SIDT1: variants seen among roughly 807,000 people sequenced by gnomAD.
SIDT1 encodes the protein SID1 transmembrane family, member 1.
In SIDT1, 101 loss-of-function variants were observed where a neutral mutation model predicts 107.5. The ratio of observed to expected loss-of-function variants is 0.94; its 90% CI spans 0.80 to 1.11. The LOEUF is 1.11. SIDT1 is among the 50% of genes least tolerant of loss of function. SIDT1 has a pLI of 0.00. For missense variants in SIDT1, 1,076 were observed against 1,058.2 expected (o/e 1.02, Z -0.23); for synonymous variants, 395 against 398.2 (o/e 0.99, Z 0.10).
intron 20 of SIDT1, 151 bp downstream of exon 20, chr3:113,616,327 A>G: frequency 1.6e-6 from 1 of 634,866 alleles, no homozygotes; most frequent in African/African-American, 1.8e-5. Context: ...GAGAAGGAGC[A>G]TGGTGCTTAT....
At chr3:113,541,922 T>C (rs34844841) in intron 1 of SIDT1, among the ~76,000 whole-genome samples, 18,141 of 146,244 alleles carry the variant, frequency 0.12, 1,145 homozygotes, top group Non-Finnish European at 0.15. Context: ...TTTCTTTTTC[T>C]TTCTTTTTTT....
Position 113,539,598 on chromosome 3 carries a change from C to T in SIDT1, c.222+6355C>T, listed in dbSNP as rs76207471. ...CTTCCAATTCAAATTCAGAAATATA[C>T]GGTTTTTATTTAACCTCATCCTTAA... is the stretch of plus-strand genomic sequence containing the variant. On this transcript the variant is annotated intron_variant, in intron 1 of 24. Transcript: ENST00000264852. Among the ~76,000 whole-genome samples, 390 of 152,266 alleles carry T rather than the reference C, an allele frequency of 2.6e-3. 1 individual carries two copies. Among genetic ancestry groups the T allele is most frequent in the African/African-American group, 8.2e-3 (341 of 41,556 alleles).
intron 19 of SIDT1, among the ~76,000 whole-genome samples, chr3:113,613,065 A>G (rs1945864189): frequency 6.6e-6 from 1 of 152,248 alleles, no homozygotes; most frequent in East Asian, 1.9e-4. Flanking sequence ...GCCTAGGTTC[A>G]AATTTAAAAT....
intron 9 of SIDT1, among the ~76,000 whole-genome samples, chr3:113,587,909 C>T (rs1460087994): frequency 6.6e-6 from 1 of 152,144 alleles, no homozygotes; most frequent in Non-Finnish European, 1.5e-5. Context: ...GCCTGGCACC[C>T]CAGCAAGGAT....
intron 1 of SIDT1, among the ~76,000 whole-genome samples, chr3:113,553,581 C>T (rs552116946): frequency 2.0e-5 from 3 of 152,142 alleles, no homozygotes; most frequent in Admixed American, 6.5e-5. Context: ...AGTATGAGAC[C>T]TAGCAAGAGA....
intron 1 of SIDT1, among the ~76,000 whole-genome samples, chr3:113,553,673 G>A (rs1016696106): frequency 6.6e-6 from 1 of 152,220 alleles, no homozygotes; most frequent in Non-Finnish European, 1.5e-5. Flanking sequence ...CGAGGAGGCT[G>A]AACCAACCCA....
rs1253103982 is a variant in SIDT1, at chr3:113,532,979, C to T, written c.-43C>T. The T allele has an allele frequency of 7.8e-7, 1 of 1,290,182 alleles. No homozygotes were observed. The highest frequency in any genetic ancestry group is 2.1e-5 in the South Asian group (1 of 47,160). The allele number at this position is 1,290,182 out of a possible 1,614,324, so 79.9% of individuals were successfully genotyped here. On this transcript the variant is annotated 5_prime_UTR_variant, in exon 1 of 25. Transcript: ENST00000264852. ...AGGACCCTCTCTGCGCTCGCCCCCT[C>T]CCCAGGGTGGCTCCGCTTTCGAGCC...
At chr3:113,539,861 G>A (rs529498205) in intron 1 of SIDT1, among the ~76,000 whole-genome samples, 16 of 152,176 alleles carry the variant, frequency 1.1e-4, no homozygotes, top group African/African-American at 1.9e-4. Context: ...AAAAGTAGCC[G>A]GATGTGGTGG....
intron 1 of SIDT1, among the ~76,000 whole-genome samples, chr3:113,543,872 C>T (rs1157564710): frequency 1.3e-5 from 2 of 152,142 alleles, no homozygotes; most frequent in African/African-American, 4.8e-5. Context: ...TTTCCTGAAA[C>T]AATTGAGAGT....
At chr3:113,556,978 C>A (rs1940945670) in intron 1 of SIDT1, among the ~76,000 whole-genome samples, 1 of 150,578 alleles carries the variant, frequency 6.6e-6, no homozygotes, top group African/African-American at 2.5e-5. Flanking sequence ...CACCACCACG[C>A]CCAGCTAATT....
At chr3:113,562,276 A>T (rs1363099564) in intron 1 of SIDT1, among the ~76,000 whole-genome samples, 1 of 152,258 alleles carries the variant, frequency 6.6e-6, no homozygotes, top group Non-Finnish European at 1.5e-5. Context: ...ACTGGAATGT[A>T]AAATGATGTA....
intron 3 of SIDT1, 99 bp downstream of exon 3, chr3:113,567,809 T>G: frequency 8.0e-7 from 1 of 1,242,958 alleles, no homozygotes; most frequent in Admixed American, 2.0e-5. Flanking sequence ...GGAAGGAAAT[T>G]ATCCACTTAG....
chr3:113,582,299 C>T (rs535762298), intron 6 of SIDT1, among the ~76,000 whole-genome samples: 2 of 152,098 alleles, frequency 1.3e-5, no homozygotes, highest in African/African-American at 2.4e-5. Flanking sequence ...ACTTAAAGTA[C>T]CTGCAGCGTG....
chr3:113,540,747 A>G (rs936767419), intron 1 of SIDT1, among the ~76,000 whole-genome samples: 1 of 152,180 alleles, frequency 6.6e-6, no homozygotes, highest in Admixed American at 6.5e-5. Context: ...AAAAATTTAT[A>G]AGGTATAAAA....
chr3:113,627,858 C>A lies in SIDT1; in HGVS notation c.*150C>A. 2.9e-6 allele frequency: 2 copies of A among 685,340 alleles called. No individual in the cohort carries two copies. Among genetic ancestry groups the A allele is most frequent in the Non-Finnish European group, 5.0e-6 (2 of 396,474 alleles). The allele number at this position is 685,340 out of a possible 1,614,324, so 42.5% of individuals were successfully genotyped here. On this transcript the variant is annotated 3_prime_UTR_variant, in exon 25 of 25. Transcript: ENST00000264852. ...ATTCACACAGGAAGGAGAGGGGCTGCGGGAGATTTAAACCTGCAAGAAAGG... is the reference window on the plus strand; with the variant it reads ...ATTCACACAGGAAGGAGAGGGGCTGAGGGAGATTTAAACCTGCAAGAAAGG...
chr3:113,580,521 T>A, intron 4 of SIDT1, 87 bp from the exon 5 acceptor site: 2 of 786,174 alleles, frequency 2.5e-6, no homozygotes, highest in Non-Finnish European at 4.4e-6. Flanking sequence ...TTCACGGAGA[T>A]TTACGTATAA....
chr3:113,567,578 C>T lies in SIDT1; in HGVS notation c.383C>T (p.Thr128Ile), dbSNP rs1191949840. The change falls in exon 3 of 25, where the codon ACC becomes ATC. Residue 128 changes from threonine to isoleucine, a missense_variant. Thr to Ile is a moderately conservative substitution (Grantham distance 89, BLOSUM62 -1). Transcript: ENST00000264852. ...RSYNYQEVSRTLCPSEATNET... is the reference protein window; with the variant it reads ...RSYNYQEVSRILCPSEATNET... ...TACAACTATCAAGAAGTGAGCCGCA[C>T]CTTATGTCCCTCAGAAGCAACCAAT... 3.1e-6 allele frequency: 5 copies of T among 1,614,074 alleles called. No individual in the cohort carries two copies. The South Asian group carries it at 3.3e-5, about 11-fold the overall frequency.
At chr3:113,593,149 C>A in intron 10 of SIDT1, 101 bp downstream of exon 10, 1 of 998,204 alleles carries the variant, frequency 1.0e-6, no homozygotes, top group Non-Finnish European at 1.6e-6. Context: ...AATTTACAAA[C>A]CCTCCCTTGA....
At chr3:113,578,218 C>A (rs557659657) in intron 4 of SIDT1, among the ~76,000 whole-genome samples, 14 of 152,330 alleles carry the variant, frequency 9.2e-5, no homozygotes, top group Admixed American at 3.3e-4. Context: ...ATAATCCCAG[C>A]ACTTTGGGAG....
Sources: allele counts gnomAD v4.1 joint callset (sites outside exome capture counted in the v4.1 genomes callset), GRCh38; gene constraint gnomAD v4.1.1; transcripts MANE v1.5; gene names NCBI Gene and HGNC (gene_info 2026-07-23, HGNC 2026-07-21).